The following FBLN1 variants were observed in gnomAD, a reference collection of about 807,000 sequenced individuals.
FBLN1 encodes the protein fibulin 1.
A neutral mutation model predicts 89.7 loss-of-function variants in FBLN1; 34 were observed. That is an observed-to-expected ratio of 0.38 (90% CI 0.29 to 0.50). FBLN1 has a LOEUF of 0.50. Among genes scored for constraint, FBLN1 ranks in the 20% least tolerant of loss-of-function variants. The pLI is 0.92. For synonymous variants in FBLN1, 393 were observed against 391.3 expected, an observed-to-expected ratio of 1.00 and a Z score of -0.05; for missense variants, 777 against 988.1, an observed-to-expected ratio of 0.79 and a Z score of 2.86.
intron 1 of FBLN1, among the ~76,000 whole-genome samples, chr22:45,508,961 T>A (rs1254492336): frequency 6.6e-6 from 1 of 152,180 alleles, no homozygotes; most frequent in Admixed American, 6.5e-5. Flanking sequence ...ATTTGTCCCA[T>A]GTGCATGCGT....
In FBLN1 at chr22:45,595,930, C is replaced by T. The variant is rs539147533; in HGVS notation, c.1973-4377C>T. Among the ~76,000 whole-genome samples the T allele has an allele frequency of 9.8e-5, 15 of 152,320 alleles. No homozygotes were observed. In the East Asian group the frequency reaches 1.9e-3, roughly 20 times the overall value. Reference sequence around the variant, plus strand: ...TGTCGCCCAGGCTAGAGTGCAATGGCGCGATCTCAGCTCACTACAACCTCC... The same window carrying T: ...TGTCGCCCAGGCTAGAGTGCAATGGTGCGATCTCAGCTCACTACAACCTCC... On this transcript the variant is annotated intron_variant, in intron 16 of 16. Coordinates refer to ENST00000327858, the MANE Select transcript of FBLN1 (RefSeq NM_006486.3).
intron 2 of FBLN1, among the ~76,000 whole-genome samples, chr22:45,524,894 G>A (rs1216870925): frequency 2.0e-5 from 3 of 152,138 alleles, no homozygotes; most frequent in Non-Finnish European, 4.4e-5. Flanking sequence ...AGACCAGCCT[G>A]GCCAACACAG....
At chr22:45,508,174 G>C (rs939535880) in intron 1 of FBLN1, among the ~76,000 whole-genome samples, 5 of 152,198 alleles carry the variant, frequency 3.3e-5, no homozygotes, top group Admixed American at 3.3e-4. Context: ...AGAGAGTCCA[G>C]GTAGCAAGAC....
chr22:45,565,127 G>A, intron 14 of FBLN1: 2 of 1,586,174 alleles, frequency 1.3e-6, no homozygotes, highest in Non-Finnish European at 1.7e-6. Flanking sequence ...ATCATGCCAG[G>A]TTTGCACCAG....
At chr22:45,506,421 G>T (rs370427052) in intron 1 of FBLN1, among the ~76,000 whole-genome samples, 3 of 152,218 alleles carry the variant, frequency 2.0e-5, no homozygotes, top group East Asian at 3.8e-4. Flanking sequence ...GCCAGACACT[G>T]CTCTATAACT....
At chr22:45,596,483 T>A (rs1186254043) in intron 16 of FBLN1, among the ~76,000 whole-genome samples, 1 of 152,118 alleles carries the variant, frequency 6.6e-6, no homozygotes. Flanking sequence ...TTGATAATAT[T>A]AATGGTCCCA....
chr22:45,576,126 G>A lies in FBLN1; in HGVS notation c.1841-851G>A, dbSNP rs866425235. On this transcript the variant is annotated intron_variant, in intron 15 of 16. Transcript: ENST00000327858. This position sits in a 1 kb window ranked among gnomAD's most constrained non-coding sequence, Gnocchi z 5.2. ...CAGTCCCCCTAGGTTTGCTCCTCCC[G>A]AAAAGGAATAACGCTGAATCGTCAC... Among the ~76,000 whole-genome samples, 3 of 152,350 alleles carry A rather than the reference G, an allele frequency of 2.0e-5. No individual in the cohort carries two copies. The highest frequency in any genetic ancestry group is 1.9e-4 in the East Asian group (1 of 5,188).
chr22:45,583,788 G>GAT lies in FBLN1; in HGVS notation c.1972+6681_1972+6682insTA, dbSNP rs1491504675. On this transcript the variant is annotated intron_variant, in intron 16 of 16. Transcript: ENST00000327858. This position sits in a 1 kb window ranked among gnomAD's most constrained non-coding sequence, Gnocchi z 4.5. ...TGGGAAGGGGAAGCGCCTGCAGCAT[G>GAT]AGAGAGAGAGAGAATGAGAGAGAGA... Among the ~76,000 whole-genome samples, 2 of 151,568 alleles carry GAT rather than the reference G, an allele frequency of 1.3e-5. No individual in the cohort carries two copies. The highest frequency in any genetic ancestry group is 4.8e-5 in the African/African-American group (2 of 41,292).
In FBLN1 at chr22:45,576,487, T is replaced by C. The variant is rs2088998310; in HGVS notation, c.1841-490T>C. Among the ~76,000 whole-genome samples the C allele has an allele frequency of 6.6e-6, 1 of 151,870 alleles. No individual in the cohort carries two copies. The highest frequency in any genetic ancestry group is 1.5e-5 in the Non-Finnish European group (1 of 67,960). On this transcript the variant is annotated intron_variant, in intron 15 of 16. Coordinates refer to ENST00000327858, the MANE Select transcript of FBLN1 (RefSeq NM_006486.3). The surrounding 1 kb of genome is among the most constrained non-coding windows in gnomAD (Gnocchi z 5.2). ...CCCCAAGACAGCCCAGAGCTGGGGC[T>C]GCCCTGCTTCACTGTCTGATCTGGG...
chr22:45,513,654 C>T (rs2088131883), intron 1 of FBLN1, among the ~76,000 whole-genome samples: 1 of 152,210 alleles, frequency 6.6e-6, no homozygotes, highest in East Asian at 1.9e-4. Context: ...CCCCCGAAGC[C>T]TGTGGCACCC....
In FBLN1 at chr22:45,576,533, G is replaced by C. The variant is rs2088998741; in HGVS notation, c.1841-444G>C. ...CTGGGAGATGGACACACACCCCCCAGAGAACCCAGGCCACCGCTCAGGGTG... is the reference window on the plus strand; with the variant it reads ...CTGGGAGATGGACACACACCCCCCACAGAACCCAGGCCACCGCTCAGGGTG... On this transcript the variant is annotated intron_variant, in intron 15 of 16. Transcript: ENST00000327858. The surrounding 1 kb of genome is among the most constrained non-coding windows in gnomAD (Gnocchi z 5.2). Among the ~76,000 whole-genome samples the C allele has an allele frequency of 6.6e-6, 1 of 152,064 alleles. No homozygotes were observed. Among genetic ancestry groups the C allele is most frequent in the East Asian group, 1.9e-4 (1 of 5,160 alleles).
At chr22:45,543,032 T>C (rs1487411676) in intron 10 of FBLN1, among the ~76,000 whole-genome samples, 1 of 152,102 alleles carries the variant, frequency 6.6e-6, no homozygotes, top group South Asian at 2.1e-4. Flanking sequence ...TTTGGGAGGC[T>C]AAGGCAGGTG....
chr22:45,513,840 C>T (rs993565233), intron 1 of FBLN1, among the ~76,000 whole-genome samples: 1 of 152,158 alleles, frequency 6.6e-6, no homozygotes, highest in Non-Finnish European at 1.5e-5. Flanking sequence ...GTCGCCCAGG[C>T]TGGAGTGCAG....
At chr22:45,560,142 C>T (rs2088834569) in intron 14 of FBLN1, among the ~76,000 whole-genome samples, 1 of 152,196 alleles carries the variant, frequency 6.6e-6, no homozygotes, top group Admixed American at 6.5e-5. Flanking sequence ...TGCTGCTTTG[C>T]CTCTGCTGTC....
rs140917420 is a variant in FBLN1, at chr22:45,518,719, C to T, written c.117C>T (p.Asp39=). ...ADVLLEACCA[D]GHRMATHQKD... Reference sequence around the variant, plus strand: ...TCCTCCTGGAGGCCTGCTGTGCGGACGGACACCGGATGGCCACTCATCAGA... The same window carrying T: ...TCCTCCTGGAGGCCTGCTGTGCGGATGGACACCGGATGGCCACTCATCAGA... Residue 39 remains aspartate (D), a synonymous_variant, in exon 2 of 17, where the codon GAC becomes GAT. Coordinates refer to ENST00000327858, the MANE Select transcript of FBLN1 (RefSeq NM_006486.3). 2.4e-5 allele frequency: 39 copies of T among 1,611,662 alleles called. 1 individual carries two copies. In the Middle Eastern group the frequency reaches 5.0e-4, roughly 20 times the overall value.
chr22:45,523,062 T>C (rs763334141), intron 2 of FBLN1: 7 of 726,258 alleles, frequency 9.6e-6, no homozygotes, highest in Non-Finnish European at 1.6e-5. Flanking sequence ...GCATAGGGGC[T>C]TCTGCTCATG....
chr22:45,567,927 G>T (rs2088913051), intron 14 of FBLN1, among the ~76,000 whole-genome samples: 1 of 152,156 alleles, frequency 6.6e-6, no homozygotes, highest in Non-Finnish European at 1.5e-5. Context: ...CACTCCAGGG[G>T]CCAGAGTGTG....
chr22:45,506,099 C>G (rs559868073), intron 1 of FBLN1, among the ~76,000 whole-genome samples: 1 of 152,308 alleles, frequency 6.6e-6, no homozygotes, highest in Admixed American at 6.5e-5. Flanking sequence ...AGCTATTATT[C>G]CTGTTGTCCC....
chr22:45,593,404 G>C lies in FBLN1; in HGVS notation c.1973-6903G>C, dbSNP rs186501268. On this transcript the variant is annotated intron_variant, in intron 16 of 16. Coordinates refer to ENST00000327858, the MANE Select transcript of FBLN1 (RefSeq NM_006486.3). Reference sequence around the variant, plus strand: ...AGACATGAAAGTGAAGCGCCCGAGGGGACCTACATTTTTCAACAGGGAGAA... The same window carrying C: ...AGACATGAAAGTGAAGCGCCCGAGGCGACCTACATTTTTCAACAGGGAGAA... Among the ~76,000 whole-genome samples the C allele has an allele frequency of 1.2e-4, 18 of 152,150 alleles. No homozygotes were observed. The East Asian group carries it at 3.5e-3, about 29-fold the overall frequency.
Sources: gnomAD v4.1 joint callset for allele counts (sites outside exome capture counted in the v4.1 genomes callset) on GRCh38, gnomAD v4.1.1 for gene constraint, Gnocchi (gnomAD v3.1) non-coding constraint, MANE v1.5 for transcripts, NCBI Gene and HGNC (gene_info 2026-07-23, HGNC 2026-07-21) for gene names.